KCNN2: variants seen among roughly 807,000 people sequenced by gnomAD.
KCNN2 encodes potassium calcium-activated channel subfamily N member 2.
KCNN2 carries 24 observed loss-of-function variants against 55.5 expected under a neutral mutation model. The ratio of observed to expected loss-of-function variants is 0.43; its 90% CI spans 0.31 to 0.61. The LOEUF is 0.61. Among genes scored for constraint, KCNN2 ranks in the 20% least tolerant of loss-of-function variants. The probability of loss-of-function intolerance (pLI) is 0.08; values close to 1 mark genes in which losing one functional copy is unlikely to be tolerated. For missense variants in KCNN2, 754 were observed against 853.6 expected (o/e 0.88, Z 1.45); for synonymous variants, 431 against 336.1 (o/e 1.28, Z -3.09).
intron 2 of KCNN2, among the ~76,000 whole-genome samples, chr5:114,393,600 A>G (rs1408421357): frequency 2.0e-5 from 3 of 152,076 alleles, no homozygotes; most frequent in Non-Finnish European, 4.4e-5. Context: ...AGCATTAAAT[A>G]TTATATAATT....
chr5:114,162,330 C>T lies in KCNN2; in HGVS notation c.-270-59150C>T, dbSNP rs188640040. On this transcript the variant is annotated intron_variant, in intron 1 of 10. Transcript: ENST00000512097. The stretch of plus-strand genomic sequence containing the variant: ...TGCAGAACAGCGGATATCGGTGAAC[C>T]GCAAATGCTGCTGCCAGATTGTTGC... Among the ~76,000 whole-genome samples, 475 of 149,452 alleles carry T rather than the reference C, an allele frequency of 3.2e-3. 2 individuals carry two copies. Among genetic ancestry groups the T allele is most frequent in the African/African-American group, 0.012 (452 of 38,912 alleles).
chr5:114,125,175 C>T (rs1410501466), intron 1 of KCNN2, among the ~76,000 whole-genome samples: 2 of 149,402 alleles, frequency 1.3e-5, no homozygotes, highest in African/African-American at 5.2e-5. Context: ...TTTCTTCCCC[C>T]CAAATTTAAC....
intron 2 of KCNN2, among the ~76,000 whole-genome samples, chr5:114,329,505 C>CTG (rs1756770108): frequency 6.6e-6 from 1 of 152,182 alleles, no homozygotes; most frequent in African/African-American, 2.4e-5. Context: ...ACTCCAAATT[C>CTG]TTCAGCTTTT....
chr5:114,449,892 ACACACACACACACACACG>A (rs1325848914), intron 3 of KCNN2, among the ~76,000 whole-genome samples: 4 of 80,424 alleles, frequency 5.0e-5, no homozygotes, highest in Non-Finnish European at 8.9e-5. Flanking sequence ...ACACACACAC[ACACACACACACACACACG>A]CGCGCGCTCG....
At chr5:114,152,471 G>T (rs994988394) in intron 1 of KCNN2, among the ~76,000 whole-genome samples, 2 of 152,108 alleles carry the variant, frequency 1.3e-5, no homozygotes, top group Admixed American at 6.5e-5. Context: ...TATTAGACTA[G>T]GAAGACTGTA....
chr5:114,092,985 C>T (rs888117904), intron 1 of KCNN2, among the ~76,000 whole-genome samples: 7 of 152,200 alleles, frequency 4.6e-5, no homozygotes, highest in Non-Finnish European at 1.0e-4. Flanking sequence ...ACATTTGGCT[C>T]CTTGTTACTT....
intron 3 of KCNN2, among the ~76,000 whole-genome samples, chr5:114,459,973 T>A (rs922601864): frequency 6.6e-6 from 1 of 152,176 alleles, no homozygotes; most frequent in African/African-American, 2.4e-5. Flanking sequence ...TGAGTTAGCT[T>A]GCCTAAATGT....
chr5:114,422,124 GT>G (rs1342433691), intron 3 of KCNN2, among the ~76,000 whole-genome samples: 1 of 152,220 alleles, frequency 6.6e-6, no homozygotes, highest in Non-Finnish European at 1.5e-5. Flanking sequence ...GAGAATGTGA[GT>G]TAATCAGAAA....
At chr5:114,339,826 T>C (rs193081778) in intron 2 of KCNN2, among the ~76,000 whole-genome samples, 10 of 150,698 alleles carry the variant, frequency 6.6e-5, no homozygotes, top group Admixed American at 3.3e-4. Context: ...AATAAATAAA[T>C]AAATAAATAA....
chr5:114,436,074 A>G (rs1447619087), intron 3 of KCNN2, among the ~76,000 whole-genome samples: 5 of 152,148 alleles, frequency 3.3e-5, no homozygotes, highest in African/African-American at 1.2e-4. Context: ...GCTGCATTTC[A>G]CACCTCTGAC....
intron 2 of KCNN2, among the ~76,000 whole-genome samples, chr5:114,265,557 C>T (rs1000938639): frequency 6.6e-6 from 1 of 152,152 alleles, no homozygotes; most frequent in African/African-American, 2.4e-5. Flanking sequence ...GACCAGTGTC[C>T]TAGCTCAACA....
At chr5:114,454,066 A>G (rs1010535571) in intron 3 of KCNN2, among the ~76,000 whole-genome samples, 3 of 152,148 alleles carry the variant, frequency 2.0e-5, no homozygotes, top group Admixed American at 1.3e-4. Context: ...GAGTGAGAAC[A>G]TGCGGTGTTT....
chr5:114,482,688 A>T (rs539138699), intron 5 of KCNN2, among the ~76,000 whole-genome samples: 13 of 152,332 alleles, frequency 8.5e-5, no homozygotes, highest in African/African-American at 3.1e-4. Context: ...ACAGAATAGT[A>T]TACAGCCATA....
At chr5:114,186,421 G>A (rs1202883037) in intron 1 of KCNN2, among the ~76,000 whole-genome samples, 1 of 152,096 alleles carries the variant, frequency 6.6e-6, no homozygotes, top group East Asian at 1.9e-4. Flanking sequence ...CCATTTTCTG[G>A]TCAATTTGTG....
At chr5:114,231,703 A>G (rs1754365614) in intron 2 of KCNN2, among the ~76,000 whole-genome samples, 1 of 151,208 alleles carries the variant, frequency 6.6e-6, no homozygotes, top group Non-Finnish European at 1.5e-5. Flanking sequence ...GAAAACTATG[A>G]CAGCCAATTA....
At chr5:114,123,822 A>G (rs1288003853) in intron 1 of KCNN2, among the ~76,000 whole-genome samples, 1 of 152,134 alleles carries the variant, frequency 6.6e-6, no homozygotes, top group Non-Finnish European at 1.5e-5. Context: ...TTTCAAATAC[A>G]TGCCTGTGAA....
At chr5:114,246,752 C>G (rs1363235124) in intron 2 of KCNN2, among the ~76,000 whole-genome samples, 1 of 151,798 alleles carries the variant, frequency 6.6e-6, no homozygotes, top group Non-Finnish European at 1.5e-5. Flanking sequence ...ATGAATAAGA[C>G]AATATTATTC....
At chr5:114,459,927 C>T (rs182618348) in intron 3 of KCNN2, among the ~76,000 whole-genome samples, 1 of 152,246 alleles carries the variant, frequency 6.6e-6, no homozygotes, top group Admixed American at 6.5e-5. Flanking sequence ...ATTTGTCTAT[C>T]TAAGATTTGA....
At chr5:114,080,479 A>G (rs1750789526) in intron 1 of KCNN2, among the ~76,000 whole-genome samples, 1 of 152,168 alleles carries the variant, frequency 6.6e-6, no homozygotes, top group Admixed American at 6.5e-5. Context: ...TGGTAGATAT[A>G]GGGCTATTCA....
Sources: gnomAD v4.1 joint callset for allele counts (sites outside exome capture counted in the v4.1 genomes callset) on GRCh38, gnomAD v4.1.1 for gene constraint, MANE v1.5 for transcripts, NCBI Gene and HGNC (gene_info 2026-07-23, HGNC 2026-07-21) for gene names.